PRKG1: variants seen among roughly 807,000 people sequenced by gnomAD.
PRKG1 encodes the protein cGMP-dependent protein kinase 1.
Under a neutral mutation model 88.1 loss-of-function variants are expected in PRKG1, and 35 were observed. The observed-to-expected ratio is 0.40, with a 90% confidence interval of 0.30 to 0.53. The LOEUF is 0.53. PRKG1 is among the 20% of genes least tolerant of loss of function. The probability of loss-of-function intolerance (pLI) is 0.59; values close to 1 mark genes in which losing one functional copy is unlikely to be tolerated. For missense variants in PRKG1, 540 were observed against 839.8 expected (o/e 0.64, Z 4.41); for synonymous variants, 303 against 292.5 (o/e 1.04, Z -0.37).
chr10:51,970,353 G>A (rs1843678301), intron 5 of PRKG1, among the ~76,000 whole-genome samples: 1 of 151,474 alleles, frequency 6.6e-6, no homozygotes, highest in Admixed American at 6.6e-5. Context: ...TAGTTGTCAT[G>A]TCTCTTTAAC....
chr10:51,836,888 A>T (rs1840146090), intron 4 of PRKG1, among the ~76,000 whole-genome samples: 2 of 152,102 alleles, frequency 1.3e-5, no homozygotes, highest in Non-Finnish European at 2.9e-5. Flanking sequence ...GGAGCATTTT[A>T]AAAAAATTGC....
chr10:51,685,278 G>A (rs1840959360), intron 3 of PRKG1, among the ~76,000 whole-genome samples: 1 of 152,128 alleles, frequency 6.6e-6, no homozygotes, highest in Non-Finnish European at 1.5e-5. Context: ...GAGCTGTTGT[G>A]ACTTAGGGCA....
intron 3 of PRKG1, among the ~76,000 whole-genome samples, chr10:51,707,805 C>T (rs1266961961): frequency 6.6e-6 from 1 of 152,134 alleles, no homozygotes; most frequent in Non-Finnish European, 1.5e-5. Context: ...GTCAGTTTAA[C>T]AGAATATATT....
At chr10:51,139,843 T>G (rs898783197) in intron 1 of PRKG1, among the ~76,000 whole-genome samples, 2 of 152,226 alleles carry the variant, frequency 1.3e-5, no homozygotes, top group Non-Finnish European at 2.9e-5. Context: ...ATTCTAGAGA[T>G]GTTTTTTACA....
rs956250664 is a variant in PRKG1, at chr10:52,105,326, G to A, written c.936-28514G>A. Among the ~76,000 whole-genome samples, 3 of 152,090 alleles carry A rather than the reference G, an allele frequency of 2.0e-5. 1 individual carries two copies. The highest frequency in any genetic ancestry group is 6.5e-5 in the Admixed American group (1 of 15,276). On this transcript the variant is annotated intron_variant, in intron 7 of 17. Transcript: ENST00000373980. ...GTTTTTAGGTCGCTGGATTACTTGC[G>A]TTTTACAGTTGGTTCTTTGTAAACA...
chr10:51,451,100 T>C (rs369589910), intron 2 of PRKG1, among the ~76,000 whole-genome samples: 94 of 152,002 alleles, frequency 6.2e-4, no homozygotes, highest in Non-Finnish European at 9.9e-4. Flanking sequence ...CTATTTATAT[T>C]GAGAATCAAT....
At chr10:52,052,712 A>G (rs1846019759) in intron 5 of PRKG1, among the ~76,000 whole-genome samples, 1 of 152,116 alleles carries the variant, frequency 6.6e-6, no homozygotes, top group Non-Finnish European at 1.5e-5. Context: ...GTCTCATGAG[A>G]CTTCTTTACT....
intron 2 of PRKG1, among the ~76,000 whole-genome samples, chr10:51,408,880 A>T (rs1837998546): frequency 6.6e-6 from 1 of 152,206 alleles, no homozygotes; most frequent in South Asian, 2.1e-4. Context: ...GAGCACTCAC[A>T]TGGGATACAA....
chr10:51,212,902 T>C (rs925706670), intron 2 of PRKG1, among the ~76,000 whole-genome samples: 3 of 152,194 alleles, frequency 2.0e-5, no homozygotes, highest in African/African-American at 4.8e-5. Context: ...TGGAAGTCAG[T>C]GTGGCGATTC....
At chr10:51,248,415 C>T (rs992733774) in intron 2 of PRKG1, among the ~76,000 whole-genome samples, 3 of 151,764 alleles carry the variant, frequency 2.0e-5, no homozygotes, top group African/African-American at 2.4e-5. Flanking sequence ...TTAAAAAAAT[C>T]GCTCTTTTAG....
Position 52,062,563 on chromosome 10 carries a change from G to A in PRKG1, c.867G>A (p.Pro289=), listed in dbSNP as rs150189667. The A allele has an allele frequency of 2.5e-5, 40 of 1,604,604 alleles. No homozygotes were observed. The highest frequency in any genetic ancestry group is 1.1e-4 in the African/African-American group (8 of 74,348). ...GTVNVTREDS[P]SEDPVFLRTL... is the part of the protein sequence containing the mutation. ...TAAATGTCACTCGTGAAGACTCACC[G>A]AGTGAAGACCCAGTCTTTCTTAGAA... The change falls in exon 7 of 18, where the codon CCG becomes CCA. Residue 289 remains proline (P), a synonymous_variant. Transcript: ENST00000373980.
intron 5 of PRKG1, among the ~76,000 whole-genome samples, chr10:51,961,226 A>T (rs934156795): frequency 6.6e-6 from 1 of 152,144 alleles, no homozygotes; most frequent in African/African-American, 2.4e-5. Context: ...AAATACTAAA[A>T]TCCATGCATG....
In PRKG1 at chr10:51,625,723, T is replaced by A. The variant is rs545553938; in HGVS notation, c.592+157887T>A. 1.3e-4 allele frequency among the ~76,000 whole-genome samples: 19 copies of A among 144,842 alleles called. No individual in the cohort carries two copies. In the East Asian group the frequency reaches 3.2e-3, roughly 24 times the overall value. ...ATGCTTCAATAAAACTGTTAAGATTTAAAAAAAAAAAAAGAATATATGAAT... is the reference window on the plus strand; with the variant it reads ...ATGCTTCAATAAAACTGTTAAGATTAAAAAAAAAAAAAAGAATATATGAAT... On this transcript the variant is annotated intron_variant, in intron 3 of 17. Transcript: ENST00000373980.
intron 2 of PRKG1, among the ~76,000 whole-genome samples, chr10:51,372,418 T>C (rs1426021396): frequency 6.6e-6 from 1 of 152,194 alleles, no homozygotes; most frequent in Non-Finnish European, 1.5e-5. Flanking sequence ...AGCTTCTATA[T>C]AGATTCTTTT....
At chr10:51,930,444 C>T (rs1397640038) in intron 5 of PRKG1, among the ~76,000 whole-genome samples, 1 of 145,042 alleles carries the variant, frequency 6.9e-6, no homozygotes, top group African/African-American at 2.6e-5. Context: ...AGAATGCCTT[C>T]TATTCTGTTG....
At chr10:51,392,545 A>C (rs1419833921) in intron 2 of PRKG1, among the ~76,000 whole-genome samples, 1 of 152,006 alleles carries the variant, frequency 6.6e-6, no homozygotes, top group African/African-American at 2.4e-5. Context: ...CTACACAGAC[A>C]CGGCAACCAT....
chr10:51,270,062 G>A (rs1839938577), intron 2 of PRKG1, among the ~76,000 whole-genome samples: 1 of 152,118 alleles, frequency 6.6e-6, no homozygotes, highest in South Asian at 2.1e-4. Flanking sequence ...TACATACTCA[G>A]GCTGAGGCCA....
intron 3 of PRKG1, among the ~76,000 whole-genome samples, chr10:51,689,283 T>C (rs1255016345): frequency 1.4e-4 from 21 of 152,050 alleles, no homozygotes; most frequent in Non-Finnish European, 2.4e-4. Flanking sequence ...TTTCAAAGCA[T>C]TCAAGATAGT....
intron 2 of PRKG1, among the ~76,000 whole-genome samples, chr10:51,461,064 A>G (rs1355610509): frequency 1.3e-5 from 2 of 152,178 alleles, no homozygotes; most frequent in Admixed American, 1.3e-4. Flanking sequence ...TTCACAACCA[A>G]GAATAACTAT....
Sources: allele counts gnomAD v4.1 joint callset (sites outside exome capture counted in the v4.1 genomes callset), GRCh38; gene constraint gnomAD v4.1.1; transcripts MANE v1.5; gene names NCBI Gene and HGNC (gene_info 2026-07-23, HGNC 2026-07-21).